LMBRD1: variants seen among roughly 807,000 people sequenced by gnomAD.
LMBRD1 encodes LMBR1 domain containing 1.
In LMBRD1, 64 loss-of-function variants were observed where a neutral mutation model predicts 74.8. That is an observed-to-expected ratio of 0.86 (90% CI 0.70 to 1.05). The LOEUF (loss-of-function observed/expected upper bound fraction) is 1.05. Among genes scored for constraint, LMBRD1 ranks in the 50% least tolerant of loss-of-function variants. The pLI is 0.00. For synonymous variants in LMBRD1, 204 were observed against 216.3 expected, an observed-to-expected ratio of 0.94 and a Z score of 0.50; for missense variants, 652 against 645.9, an observed-to-expected ratio of 1.01 and a Z score of -0.10.
intron 7 of LMBRD1, among the ~76,000 whole-genome samples, chr6:69,735,980 AC>A (rs1222276178): frequency 2.0e-5 from 3 of 151,356 alleles, no homozygotes; most frequent in Non-Finnish European, 2.9e-5. Flanking sequence ...CCTCACACTT[AC>A]TCTTCTGTCA....
chr6:69,691,401 T>C (rs1239858822), intron 14 of LMBRD1, among the ~76,000 whole-genome samples: 1 of 152,206 alleles, frequency 6.6e-6, no homozygotes. Flanking sequence ...TTCTAGTTCA[T>C]ATTTTTAAAA....
chr6:69,740,340 AATAATGCTACCT>A (rs1281825437), intron 6 of LMBRD1, among the ~76,000 whole-genome samples: 1 of 152,208 alleles, frequency 6.6e-6, no homozygotes, highest in Non-Finnish European at 1.5e-5. Flanking sequence ...CAAAAAACAG[AATAATGCTACCT>A]ATCTAATCAC....
At chr6:69,721,150 A>C (rs1201200217) in intron 7 of LMBRD1, among the ~76,000 whole-genome samples, 2 of 152,178 alleles carry the variant, frequency 1.3e-5, no homozygotes, top group African/African-American at 2.4e-5. Flanking sequence ...ATCCTAGGTA[A>C]ACTCAAAAGG....
intron 2 of LMBRD1, among the ~76,000 whole-genome samples, chr6:69,781,523 T>C (rs564696170): frequency 5.9e-5 from 9 of 152,078 alleles, no homozygotes; most frequent in Non-Finnish European, 1.3e-4. Context: ...TCTTTTCTCT[T>C]TTTTTTGCCC....
At chr6:69,708,916 T>G (rs1402344713) in intron 9 of LMBRD1, among the ~76,000 whole-genome samples, 1 of 152,016 alleles carries the variant, frequency 6.6e-6, no homozygotes, top group East Asian at 1.9e-4. Context: ...CTTCCTCTAG[T>G]TTGACTTGAA....
intron 1 of LMBRD1, among the ~76,000 whole-genome samples, chr6:69,792,713 C>A (rs528190404): frequency 6.6e-6 from 1 of 152,288 alleles, no homozygotes; most frequent in South Asian, 2.1e-4. Flanking sequence ...ATTCTGAAGT[C>A]TTTGAAAGCT....
At chr6:69,705,917 A>T (rs984869658) in intron 9 of LMBRD1, 4 of 1,256,554 alleles carry the variant, frequency 3.2e-6, no homozygotes, top group African/African-American at 1.5e-5. Context: ...GGCTGTACAG[A>T]CATTTTCAAA....
intron 14 of LMBRD1, among the ~76,000 whole-genome samples, chr6:69,681,789 G>A (rs1327680681): frequency 6.6e-6 from 1 of 151,726 alleles, no homozygotes; most frequent in Non-Finnish European, 1.5e-5. Flanking sequence ...TCCTGATTAG[G>A]GTCTTGCTAC....
At chr6:69,788,492 C>T (rs972772284) in intron 2 of LMBRD1, among the ~76,000 whole-genome samples, 3 of 151,942 alleles carry the variant, frequency 2.0e-5, no homozygotes, top group East Asian at 3.8e-4. Flanking sequence ...AGAAACAAAG[C>T]GATATACAGA....
intron 14 of LMBRD1, among the ~76,000 whole-genome samples, chr6:69,687,970 G>C (rs1190508800): frequency 6.6e-6 from 1 of 152,034 alleles, no homozygotes; most frequent in Non-Finnish European, 1.5e-5. Flanking sequence ...GCTTAATATG[G>C]GGTAGGAAGT....
chr6:69,712,592 GT>G (rs1766407901), intron 9 of LMBRD1, among the ~76,000 whole-genome samples: 1 of 152,010 alleles, frequency 6.6e-6, no homozygotes, highest in Admixed American at 6.6e-5. Flanking sequence ...CAACATGGAT[GT>G]GCCTGAAAGA....
chr6:69,773,297 C>T (rs1356889239), intron 3 of LMBRD1, among the ~76,000 whole-genome samples: 1 of 152,106 alleles, frequency 6.6e-6, no homozygotes. Flanking sequence ...AAGGCCCTTA[C>T]CAAATGCCAG....
chr6:69,775,010 G>GGAGA, intron 3 of LMBRD1, among the ~76,000 whole-genome samples: 1 of 65,646 alleles, frequency 1.5e-5, no homozygotes, highest in Admixed American at 1.6e-4. Context: ...AGGGAGGGAG[G>GGAGA]GAGGGAGGGA....
Position 69,675,835 on chromosome 6 carries a change from C to A in LMBRD1, c.*323G>T, listed in dbSNP as rs373819461. Reference sequence around the variant, plus strand: ...AGATACAGATGATTTATTATGTTTTCAAAAAGTGACAAAAGGGAATATTAA... The same window carrying A: ...AGATACAGATGATTTATTATGTTTTAAAAAAGTGACAAAAGGGAATATTAA... On this transcript the variant is annotated 3_prime_UTR_variant, in exon 16 of 16. Coordinates refer to ENST00000649934, the MANE Select transcript of LMBRD1 (RefSeq NM_018368.4). The A allele has an allele frequency of 3.5e-6, 1 of 288,052 alleles. No individual in the cohort carries two copies. Among genetic ancestry groups the A allele is most frequent in the Non-Finnish European group, 6.6e-6 (1 of 150,456 alleles). 17.8% of individuals were successfully genotyped at this position (288,052 alleles called of 1,614,324 possible).
intron 3 of LMBRD1, among the ~76,000 whole-genome samples, chr6:69,774,295 C>T (rs1287820043): frequency 6.6e-6 from 1 of 152,210 alleles, no homozygotes; most frequent in African/African-American, 2.4e-5. Flanking sequence ...GCCTCCCCAG[C>T]CATGTGGAAC....
At chr6:69,699,326 G>A in intron 12 of LMBRD1, 134 bp from the exon 13 acceptor site, 1 of 752,340 alleles carries the variant, frequency 1.3e-6, no homozygotes, top group South Asian at 1.7e-5. Context: ...AATACTAAAA[G>A]TTCTTAATCA....
At chr6:69,778,155 A>G (rs926597020) in intron 3 of LMBRD1, among the ~76,000 whole-genome samples, 8 of 152,214 alleles carry the variant, frequency 5.3e-5, no homozygotes, top group Non-Finnish European at 8.8e-5. Context: ...AAATTTTTCA[A>G]TTCATAATCT....
chr6:69,710,800 C>T (rs566798096), intron 9 of LMBRD1, among the ~76,000 whole-genome samples: 1 of 152,248 alleles, frequency 6.6e-6, no homozygotes, highest in East Asian at 1.9e-4. Context: ...ATAACTCTTA[C>T]AGACACTACA....
chr6:69,753,104 TA>T (rs200915802), intron 3 of LMBRD1, among the ~76,000 whole-genome samples: 5 of 151,966 alleles, frequency 3.3e-5, no homozygotes, highest in Admixed American at 6.6e-5. Context: ...CTGCTTTTTT[TA>T]AAAAAAATGT....
Sources: allele counts gnomAD v4.1 joint callset (sites outside exome capture counted in the v4.1 genomes callset), GRCh38; gene constraint gnomAD v4.1.1; transcripts MANE v1.5; gene names NCBI Gene and HGNC (gene_info 2026-07-23, HGNC 2026-07-21).